The following HS6ST3 variants were observed in gnomAD, a reference collection of about 807,000 sequenced individuals.
HS6ST3 encodes the protein heparan sulfate 6-O-sulfotransferase 3, also known as heparan-sulfate 6-O-sulfotransferase 3.
Under a neutral mutation model 36.7 loss-of-function variants are expected in HS6ST3, and 12 were observed. That is an observed-to-expected ratio of 0.33 (90% CI 0.21 to 0.53). The LOEUF is 0.53. Among genes scored for constraint, HS6ST3 ranks in the 20% least tolerant of loss-of-function variants. The pLI is 0.95. For missense variants in HS6ST3, 584 were observed against 640.9 expected, an observed-to-expected ratio of 0.91 and a Z score of 0.96; for synonymous variants, 240 against 257.5, an observed-to-expected ratio of 0.93 and a Z score of 0.65.
intron 1 of HS6ST3, among the ~76,000 whole-genome samples, chr13:96,596,878 C>G (rs563257861): frequency 6.6e-6 from 1 of 152,108 alleles, no homozygotes; most frequent in East Asian, 1.9e-4. Flanking sequence ...AAGACACACA[C>G]TTGCATACGT....
chr13:96,837,037 CA>C lies in HS6ST3; in HGVS notation c.*3840del, dbSNP rs959854379. 7.3e-4 allele frequency: 111 copies of C among 152,168 alleles called. 2 individuals carry two copies. The highest frequency in any genetic ancestry group is 2.6e-3 in the African/African-American group (106 of 41,514). The allele number at this position is 152,168 out of a possible 1,614,324, so 9.4% of individuals were successfully genotyped here. A position where few individuals can be genotyped will look rare whatever the true frequency, so the allele number is the denominator to read the frequency against. On this transcript the variant is annotated 3_prime_UTR_variant, in exon 2 of 2. Coordinates refer to ENST00000376705, the MANE Select transcript of HS6ST3 (RefSeq NM_153456.4). ...CACATCTCATGGGTTAAAACCTAGA[CA>C]TTTGCCACATCTAGCTGCAAAGAAG...
chr13:96,338,789 G>A (rs1046152930), intron 1 of HS6ST3, among the ~76,000 whole-genome samples: 9 of 151,930 alleles, frequency 5.9e-5, no homozygotes, highest in Non-Finnish European at 8.8e-5. Flanking sequence ...CCCCTTTCTC[G>A]TCATTTGGTG....
At chr13:96,422,371 G>C (rs1356132244) in intron 1 of HS6ST3, among the ~76,000 whole-genome samples, 6 of 152,184 alleles carry the variant, frequency 3.9e-5, no homozygotes, top group African/African-American at 1.4e-4. Flanking sequence ...TTTTATAGCA[G>C]CTTCAGAGTT....
At chr13:96,449,862 A>T (rs573952906) in intron 1 of HS6ST3, among the ~76,000 whole-genome samples, 2 of 152,220 alleles carry the variant, frequency 1.3e-5, no homozygotes, top group Non-Finnish European at 2.9e-5. Flanking sequence ...CTTCTCCATT[A>T]TAAAAATGAT....
At chr13:96,800,380 A>G (rs952875054) in intron 1 of HS6ST3, among the ~76,000 whole-genome samples, 4 of 151,758 alleles carry the variant, frequency 2.6e-5, no homozygotes, top group Non-Finnish European at 5.9e-5. Context: ...ATTCATGACT[A>G]TCCTGTCCCA....
At chr13:96,717,345 A>G (rs1034683228) in intron 1 of HS6ST3, among the ~76,000 whole-genome samples, 3 of 152,178 alleles carry the variant, frequency 2.0e-5, no homozygotes, top group Non-Finnish European at 4.4e-5. Context: ...TTGATAAATT[A>G]TACTCTTAGA....
chr13:96,295,538 A>G (rs763554012), intron 1 of HS6ST3, among the ~76,000 whole-genome samples: 49 of 152,116 alleles, frequency 3.2e-4, no homozygotes, highest in Non-Finnish European at 6.2e-4. Context: ...AGCTCTCTTT[A>G]AAAAATAGTG....
chr13:96,784,885 AGGCT>A (rs1347802491), intron 1 of HS6ST3, among the ~76,000 whole-genome samples: 2 of 152,198 alleles, frequency 1.3e-5, no homozygotes, highest in Non-Finnish European at 2.9e-5. Flanking sequence ...AAAGTTTCTT[AGGCT>A]GGGCACAGTG....
At chr13:96,266,349 G>T (rs2054692386) in intron 1 of HS6ST3, among the ~76,000 whole-genome samples, 1 of 152,158 alleles carries the variant, frequency 6.6e-6, no homozygotes, top group Non-Finnish European at 1.5e-5. Context: ...AGAGATTGGA[G>T]AATCATTTGC....
At chr13:96,769,880 T>C (rs1877220069) in intron 1 of HS6ST3, among the ~76,000 whole-genome samples, 1 of 152,060 alleles carries the variant, frequency 6.6e-6, no homozygotes, top group Non-Finnish European at 1.5e-5. Context: ...AAGTTAATCA[T>C]GCCAGCAATT....
intron 1 of HS6ST3, among the ~76,000 whole-genome samples, chr13:96,501,201 C>G (rs182543580): frequency 3.4e-4 from 51 of 152,206 alleles, no homozygotes; most frequent in Middle Eastern, 3.4e-3. Flanking sequence ...GTGTGTTGTG[C>G]CTATGCTGCT....
intron 1 of HS6ST3, among the ~76,000 whole-genome samples, chr13:96,175,997 T>A (rs2054211122): frequency 6.6e-6 from 1 of 152,090 alleles, no homozygotes; most frequent in African/African-American, 2.4e-5. Flanking sequence ...CTGGCTAATT[T>A]TTTGTATTTT....
chr13:96,328,350 G>A (rs1329189287), intron 1 of HS6ST3, among the ~76,000 whole-genome samples: 4 of 151,140 alleles, frequency 2.6e-5, no homozygotes, highest in East Asian at 2.0e-4. Flanking sequence ...TTTGAAATAC[G>A]TCCCATCAAT....
intron 1 of HS6ST3, among the ~76,000 whole-genome samples, chr13:96,162,817 G>C (rs1273092525): frequency 3.3e-5 from 5 of 152,046 alleles, no homozygotes. Context: ...GGATTATGTA[G>C]TTTGGTTTAT....
intron 1 of HS6ST3, among the ~76,000 whole-genome samples, chr13:96,317,356 A>T (rs1443966094): frequency 0.079 from 1,127 of 14,198 alleles, 44 homozygotes; most frequent in African/African-American, 0.16. Flanking sequence ...ATATATATAT[A>T]TATATATATA....
chr13:96,297,388 A>G (rs1191822482), intron 1 of HS6ST3, among the ~76,000 whole-genome samples: 1 of 152,102 alleles, frequency 6.6e-6, no homozygotes, highest in Non-Finnish European at 1.5e-5. Context: ...TTCTCAGGGA[A>G]AGAAATATTG....
chr13:96,350,421 C>A (rs1193350010), intron 1 of HS6ST3, among the ~76,000 whole-genome samples: 1 of 152,204 alleles, frequency 6.6e-6, no homozygotes, highest in Non-Finnish European at 1.5e-5. Flanking sequence ...GCATTGTGAT[C>A]AGTCACTTTG....
intron 1 of HS6ST3, among the ~76,000 whole-genome samples, chr13:96,662,515 GGTGTGTGTGTGTGT>G (rs144795600): frequency 0.048 from 7,093 of 147,858 alleles, 211 homozygotes; most frequent in Middle Eastern, 0.076. Flanking sequence ...GTGTGTATGG[GGTGTGTGTGTGTGT>G]GTGTGTGTGT....
chr13:96,427,398 A>C (rs1004677959), intron 1 of HS6ST3: 1 of 152,164 alleles, frequency 6.6e-6, no homozygotes, highest in East Asian at 1.9e-4. Context: ...TCCTTTTTTA[A>C]TATAGAGTTT....
Sources: allele counts gnomAD v4.1 joint callset (sites outside exome capture counted in the v4.1 genomes callset), GRCh38; gene constraint gnomAD v4.1.1; transcripts MANE v1.5; gene names NCBI Gene and HGNC (gene_info 2026-07-23, HGNC 2026-07-21).